Variants in FAM13B observed in about 807,000 individuals in gnomAD.
The protein encoded by FAM13B is family with sequence similarity 13 member B.
A neutral mutation model predicts 117.3 loss-of-function variants in FAM13B; 60 were observed. That is an observed-to-expected ratio of 0.51 (90% CI 0.42 to 0.63). FAM13B has a LOEUF of 0.63. Ranked by LOEUF, FAM13B falls within the 30% of genes least tolerant of loss-of-function variation. FAM13B has a pLI of 0.00. For synonymous variants in FAM13B, 332 were observed against 356.1 expected, an observed-to-expected ratio of 0.93 and a Z score of 0.76; for missense variants, 972 against 1,091.9, an observed-to-expected ratio of 0.89 and a Z score of 1.55.
intron 1 of FAM13B, among the ~76,000 whole-genome samples, chr5:138,030,874 A>C (rs575858834): frequency 1.1e-4 from 16 of 152,084 alleles, no homozygotes; most frequent in African/African-American, 3.6e-4. Context: ...TCTTACAAAA[A>C]ATACAAAAAT....
In FAM13B at chr5:137,974,868, C is replaced by T. The variant is rs75262693; in HGVS notation, c.1179+10389G>A. 9.8e-3 allele frequency among the ~76,000 whole-genome samples: 1,493 copies of T among 152,020 alleles called. 11 individuals carry two copies. Among genetic ancestry groups the T allele is most frequent in the Non-Finnish European group, 0.015 (1,040 of 67,986 alleles). On this transcript the variant is annotated intron_variant, in intron 10 of 23. Coordinates refer to ENST00000689681, the MANE Select transcript of FAM13B (RefSeq NM_001385994.1). The stretch of plus-strand genomic sequence containing the variant: ...GTCACTTGGCTAAGAAGGGTTTCTA[C>T]GTTTTTAATGATTGTGGGTAGAAGG...
At chr5:137,972,408 C>T (rs1772478804) in intron 10 of FAM13B, among the ~76,000 whole-genome samples, 1 of 152,186 alleles carries the variant, frequency 6.6e-6, no homozygotes, top group Admixed American at 6.5e-5. Flanking sequence ...CAAAATTCAA[C>T]AACCTTCATG....
chr5:138,021,544 C>A (rs1249330370), intron 1 of FAM13B, among the ~76,000 whole-genome samples: 1 of 152,208 alleles, frequency 6.6e-6, no homozygotes, highest in African/African-American at 2.4e-5. Flanking sequence ...TCCTCACATA[C>A]TCAGAACTAA....
At chr5:138,039,274 G>C (rs1215174267) in intron 1 of FAM13B, 1 of 152,146 alleles carries the variant, frequency 6.6e-6, no homozygotes, top group East Asian at 1.9e-4. Context: ...ATAGGGGAAA[G>C]AAAAAACTGC....
chr5:138,028,637 CTT>C (rs1014717439), intron 1 of FAM13B, among the ~76,000 whole-genome samples: 4 of 152,172 alleles, frequency 2.6e-5, no homozygotes, highest in Admixed American at 2.6e-4. Flanking sequence ...AATCCCAACA[CTT>C]TGGGATGCTG....
intron 4 of FAM13B, among the ~76,000 whole-genome samples, chr5:138,014,683 C>A (rs1341754081): frequency 6.6e-6 from 1 of 152,194 alleles, no homozygotes; most frequent in Non-Finnish European, 1.5e-5. Context: ...GTTGAACATA[C>A]TACACCATTT....
intron 7 of FAM13B, 119 bp from the exon 8 acceptor site, chr5:137,988,434 T>C (rs1222044969): frequency 2.9e-6 from 2 of 697,904 alleles, no homozygotes; most frequent in Non-Finnish European, 4.9e-6. Context: ...ATACTAAGTG[T>C]TGTATTCTTG....
intron 1 of FAM13B, among the ~76,000 whole-genome samples, chr5:138,027,659 T>C (rs1467048125): frequency 6.6e-6 from 1 of 152,236 alleles, no homozygotes; most frequent in Non-Finnish European, 1.5e-5. Context: ...AATGTCTCAA[T>C]AGTGCATAAA....
At position 138,026,514 on chromosome 5, in the gene FAM13B, C is replaced by T. The variant is rs192050732; in HGVS notation, c.-202-5317G>A. On this transcript the variant is annotated intron_variant, in intron 1 of 23. Coordinates refer to ENST00000689681, the MANE Select transcript of FAM13B (RefSeq NM_001385994.1). ...TGATGTCATGCGCCTGCAGTCCCAG[C>T]TACTCGGGAGGCTGAGGTGGAAGGA... is the stretch of plus-strand genomic sequence containing the variant. Among the ~76,000 whole-genome samples the T allele has an allele frequency of 3.3e-5, 5 of 150,424 alleles. No individual in the cohort carries two copies. In the East Asian group the frequency reaches 9.8e-4, roughly 30 times the overall value.
Position 138,032,784 on chromosome 5 carries a change from T to C in FAM13B, c.-205A>G. The C allele has an allele frequency of 5.1e-6, 5 of 985,726 alleles. No homozygotes were observed. The highest frequency in any genetic ancestry group is 9.4e-5 in the South Asian group (2 of 21,282). 61.1% of individuals were successfully genotyped at this position (985,726 alleles called of 1,614,324 possible). A position where few individuals can be genotyped will look rare whatever the true frequency, so the allele number is the denominator to read the frequency against. ...CGGGTACCCGCCCGTTTACCTACCG[T>C]TGGAACCGCGATGCCCCGTTCCCTG... is the stretch of plus-strand genomic sequence containing the variant. On this transcript the variant is annotated splice_region_variant and 5_prime_UTR_variant, in exon 1 of 24. Transcript: ENST00000689681.
intron 10 of FAM13B, among the ~76,000 whole-genome samples, chr5:137,967,952 G>A (rs558328532): frequency 2.0e-5 from 3 of 152,082 alleles, no homozygotes; most frequent in East Asian, 1.9e-4. Context: ...GGCCAGGCGC[G>A]GTGGCTCACA....
rs951883982 is a variant in FAM13B at position 137,939,801 on chromosome 5, C to G, written c.*424G>C. The G allele has an allele frequency of 2.5e-6, 3 of 1,179,894 alleles. No individual in the cohort carries two copies. Among genetic ancestry groups the G allele is most frequent in the Non-Finnish European group, 3.2e-6 (3 of 946,232 alleles). 73.1% of individuals were successfully genotyped at this position (1,179,894 alleles called of 1,614,324 possible). A position where few individuals can be genotyped will look rare whatever the true frequency, so the allele number is the denominator to read the frequency against. ...CTTTTCTTTCAAATTTTCAGTCATTCTGTAAGAAAAAGGCAACAGAAGAAT... is the reference window on the plus strand; with the variant it reads ...CTTTTCTTTCAAATTTTCAGTCATTGTGTAAGAAAAAGGCAACAGAAGAAT... On this transcript the variant is annotated 3_prime_UTR_variant, in exon 24 of 24. Transcript: ENST00000689681.
intron 7 of FAM13B, among the ~76,000 whole-genome samples, chr5:138,005,252 A>T (rs1284494757): frequency 6.6e-6 from 1 of 152,076 alleles, no homozygotes; most frequent in Non-Finnish European, 1.5e-5. Context: ...AATAGTAATA[A>T]ATTAATTAAT....
At position 137,987,535 on chromosome 5, in the gene FAM13B, A is replaced by G. The variant is rs747908087; in HGVS notation, c.972T>C (p.Asn324=). 2 of 1,613,544 alleles carry G rather than the reference A, an allele frequency of 1.2e-6. No homozygotes were observed. The highest frequency in any genetic ancestry group is 1.1e-5 in the South Asian group (1 of 91,028). The change falls in exon 9 of 24, where the codon AAT becomes AAC. Residue 324 remains asparagine, a synonymous_variant. Transcript: ENST00000689681. ...TACACACCACACTTTGCTGTTGTAA[A>G]TTCTTAAGATCATGATCTATGCTGC... ...LQSSIDHDLK[N]LQQQSVVCNN...
chr5:137,986,686 T>G (rs1218246653), intron 9 of FAM13B, among the ~76,000 whole-genome samples: 1 of 152,208 alleles, frequency 6.6e-6, no homozygotes, highest in Non-Finnish European at 1.5e-5. Context: ...TTCAGATTTG[T>G]TTTGTTTGTT....
intron 10 of FAM13B, among the ~76,000 whole-genome samples, chr5:137,967,351 C>A (rs1046507270): frequency 1.3e-5 from 2 of 152,028 alleles, no homozygotes; most frequent in African/African-American, 4.8e-5. Context: ...TGGTGAAACC[C>A]GGTCTCTAGT....
At chr5:137,953,605 T>A (rs1166458909) in intron 15 of FAM13B, 140 bp from the exon 16 acceptor site, 1 of 809,046 alleles carries the variant, frequency 1.2e-6, no homozygotes, top group African/African-American at 1.7e-5. Context: ...ACAGGTAGTA[T>A]AAAGAAACAC....
At chr5:138,025,567 A>G (rs1039268311) in intron 1 of FAM13B, among the ~76,000 whole-genome samples, 2 of 152,132 alleles carry the variant, frequency 1.3e-5, no homozygotes, top group South Asian at 4.1e-4. Context: ...TAAGTTCTAC[A>G]GGGACTCAAG....
In FAM13B at chr5:137,938,755, A is replaced by G. The variant is rs1760852502; in HGVS notation, c.*1470T>C. 1 of 152,552 alleles carries G rather than the reference A, an allele frequency of 6.6e-6. No individual in the cohort carries two copies. The highest frequency in any genetic ancestry group is 2.4e-5 in the African/African-American group (1 of 41,424). 9.4% of individuals were successfully genotyped at this position (152,552 alleles called of 1,614,324 possible). A position where few individuals can be genotyped will look rare whatever the true frequency, so the allele number is the denominator to read the frequency against. On this transcript the variant is annotated 3_prime_UTR_variant, in exon 24 of 24. Transcript: ENST00000689681. ...TGTGCTTACTATGTAATAGTGCCAG[A>G]AGTCTGAGGTTCATGCTTCCCTCAC...
Sources: gnomAD v4.1 joint callset for allele counts (sites outside exome capture counted in the v4.1 genomes callset) on GRCh38, gnomAD v4.1.1 for gene constraint, MANE v1.5 for transcripts, NCBI Gene and HGNC (gene_info 2026-07-23, HGNC 2026-07-21) for gene names.